JARID2: variants seen among roughly 807,000 people sequenced by gnomAD.
JARID2 encodes the protein jumonji and AT-rich interaction domain containing 2, also known as protein Jumonji.
JARID2 carries 21 observed loss-of-function variants against 125.6 expected under a neutral mutation model. The ratio of observed to expected loss-of-function variants is 0.17; its 90% confidence interval spans 0.12 to 0.24. JARID2 has a LOEUF of 0.24. Among genes scored for constraint, JARID2 ranks in the 10% least tolerant of loss-of-function variants. The probability of loss-of-function intolerance (pLI) is 1.00; values close to 1 mark genes in which losing one functional copy is unlikely to be tolerated. For missense variants in JARID2, 1,303 were observed against 1,639.6 expected (o/e 0.79, Z 3.55); for synonymous variants, 736 against 661.6 (o/e 1.11, Z -1.73).
chr6:15,465,674 T>C (rs922031615), intron 4 of JARID2, among the ~76,000 whole-genome samples: 4 of 152,004 alleles, frequency 2.6e-5, no homozygotes, highest in African/African-American at 9.7e-5. Flanking sequence ...CAACAGATCC[T>C]GTTAAGTGGA....
intron 2 of JARID2, among the ~76,000 whole-genome samples, chr6:15,385,857 A>G (rs1764765150): frequency 6.6e-6 from 1 of 152,048 alleles, no homozygotes; most frequent in Non-Finnish European, 1.5e-5. Context: ...AGGCCCCCAG[A>G]TGTCAGCTCA....
At position 15,329,002 on chromosome 6, in the gene JARID2, C is replaced by CT. The variant is rs146759476; in HGVS notation, c.46-45106dup. On this transcript the variant is annotated intron_variant, in intron 1 of 17. Coordinates refer to ENST00000341776, the MANE Select transcript of JARID2 (RefSeq NM_004973.4). ...TCAAATGTAGTATCTTAATAATGGGCTTTTTTTTTCTAGTTCTTCTTTTTC... is the reference window on the plus strand; with the variant it reads ...TCAAATGTAGTATCTTAATAATGGGCTTTTTTTTTTCTAGTTCTTCTTTTTC... 2.1e-3 allele frequency among the ~76,000 whole-genome samples: 322 copies of CT among 151,444 alleles called. 2 individuals carry two copies. The highest frequency in any genetic ancestry group is 7.3e-3 in the African/African-American group (302 of 41,276).
At chr6:15,449,742 G>C (rs1767832311) in intron 3 of JARID2, among the ~76,000 whole-genome samples, 1 of 152,006 alleles carries the variant, frequency 6.6e-6, no homozygotes, top group Non-Finnish European at 1.5e-5. Context: ...AAGGACTATA[G>C]ATTACCCACT....
intron 1 of JARID2, among the ~76,000 whole-genome samples, chr6:15,370,891 T>G (rs1764143452): frequency 6.6e-6 from 1 of 152,204 alleles, no homozygotes; most frequent in Non-Finnish European, 1.5e-5. Flanking sequence ...TATTTGGAAT[T>G]ATTACCTACT....
intron 1 of JARID2, among the ~76,000 whole-genome samples, chr6:15,356,125 A>G (rs1376519441): frequency 1.3e-5 from 2 of 152,186 alleles, no homozygotes; most frequent in East Asian, 1.9e-4. Context: ...TTCAAGGTTC[A>G]TCCACGCTGC....
chr6:15,378,436 C>G (rs1764453637), intron 2 of JARID2, among the ~76,000 whole-genome samples: 1 of 152,036 alleles, frequency 6.6e-6, no homozygotes, highest in South Asian at 2.1e-4. Context: ...CCTCTGTGTC[C>G]TCTTTCATGC....
At chr6:15,506,094 A>G (rs1222507615) in intron 9 of JARID2, among the ~76,000 whole-genome samples, 1 of 152,208 alleles carries the variant, frequency 6.6e-6, no homozygotes, top group African/African-American at 2.4e-5. Flanking sequence ...AAATATTTAA[A>G]CACAAAGGGG....
Position 15,497,796 on chromosome 6 carries a change from C to T in JARID2, c.1945+626C>T, listed in dbSNP as rs536938051. The stretch of plus-strand genomic sequence containing the variant: ...GGGGGGCCAGTGGGGAGCGCTGCCC[C>T]TCTGGATTCCACACTGGATTATAGA... On this transcript the variant is annotated intron_variant, in intron 7 of 17. Coordinates refer to ENST00000341776, the MANE Select transcript of JARID2 (RefSeq NM_004973.4). Among the ~76,000 whole-genome samples, 12 of 152,318 alleles carry T rather than the reference C, an allele frequency of 7.9e-5. No individual in the cohort carries two copies. In the South Asian group the frequency reaches 8.3e-4, roughly 11 times the overall value.
At chr6:15,413,002 GTTTT>G (rs745910520) in intron 3 of JARID2, among the ~76,000 whole-genome samples, 13 of 46,560 alleles carry the variant, frequency 2.8e-4, no homozygotes, top group South Asian at 1.4e-3. Context: ...AAGAGCTTGT[GTTTT>G]TGTTTTTTTT....
intron 13 of JARID2, 97 bp from the exon 14 acceptor site, chr6:15,512,108 CCTT>C (rs2127764865): frequency 8.5e-6 from 8 of 941,048 alleles, no homozygotes; most frequent in Middle Eastern, 2.7e-4. Flanking sequence ...AATCTTATCT[CCTT>C]GAGAGCAGGC....
chr6:15,513,444 G>A (rs375571433), intron 16 of JARID2, 22 bp downstream of exon 16: 29 of 1,553,512 alleles, frequency 1.9e-5, no homozygotes, highest in Admixed American at 1.2e-4. Context: ...TGGCCCTGCC[G>A]GCGCCCTCGC....
intron 1 of JARID2, among the ~76,000 whole-genome samples, chr6:15,263,438 A>G (rs2127331288): frequency 6.6e-6 from 1 of 152,096 alleles, no homozygotes; most frequent in South Asian, 2.1e-4. Context: ...TCTTTGAAAA[A>G]CTACCCTTCG....
rs2127277426 is a variant in JARID2 at position 15,246,161 on chromosome 6, A to G, written c.-379A>G. On this transcript the variant is annotated 5_prime_UTR_variant, in exon 1 of 18. The change abolishes the stop of an existing upstream ORF in the 5' untranslated region. Coordinates refer to ENST00000341776, the MANE Select transcript of JARID2 (RefSeq NM_004973.4). ...TTTCCCTTTTCTTTTCCAAGATGTAACTACGGATCAGACACTAAGGACCTT... is the reference window on the plus strand; with the variant it reads ...TTTCCCTTTTCTTTTCCAAGATGTAGCTACGGATCAGACACTAAGGACCTT... The G allele has an allele frequency of 2.4e-6, 1 of 422,460 alleles. No homozygotes were observed. The highest frequency in any genetic ancestry group is 3.5e-5 in the East Asian group (1 of 28,184). 26.2% of individuals were successfully genotyped at this position (422,460 alleles called of 1,614,324 possible). A position where few individuals can be genotyped will look rare whatever the true frequency, so the allele number is the denominator to read the frequency against.
intron 12 of JARID2, among the ~76,000 whole-genome samples, chr6:15,510,742 A>G (rs1456258736): frequency 6.6e-6 from 1 of 152,234 alleles, no homozygotes; most frequent in Non-Finnish European, 1.5e-5. Context: ...GCATCTGCCA[A>G]GGAGTTGGCC....
chr6:15,499,321 C>T (rs532519898), intron 7 of JARID2, among the ~76,000 whole-genome samples: 15 of 152,258 alleles, frequency 9.9e-5, no homozygotes, highest in African/African-American at 2.9e-4. Context: ...GTGCCGCTGG[C>T]GGGAGTTGGG....
At chr6:15,276,161 C>G (rs1292043844) in intron 1 of JARID2, among the ~76,000 whole-genome samples, 1 of 152,124 alleles carries the variant, frequency 6.6e-6, no homozygotes, top group Non-Finnish European at 1.5e-5. Context: ...TTTAAGCTGC[C>G]TAAGTTGACT....
intron 5 of JARID2, among the ~76,000 whole-genome samples, chr6:15,476,022 C>A (rs978576678): frequency 6.6e-6 from 1 of 152,162 alleles, no homozygotes; most frequent in African/African-American, 2.4e-5. Context: ...CAGGGTATTT[C>A]TCTTATCAGA....
intron 2 of JARID2, among the ~76,000 whole-genome samples, chr6:15,403,225 G>A (rs1765506888): frequency 6.6e-6 from 1 of 152,158 alleles, no homozygotes; most frequent in African/African-American, 2.4e-5. Context: ...TGAAGATCAC[G>A]GCTCTTTGTT....
At chr6:15,263,591 A>ATT (rs763727930) in intron 1 of JARID2, among the ~76,000 whole-genome samples, 10,744 of 131,554 alleles carry the variant, frequency 0.082, 538 homozygotes, top group Admixed American at 0.11. Flanking sequence ...GAGTCAGACA[A>ATT]TTTTTTTTTT....
Sources: gnomAD v4.1 joint callset for allele counts (sites outside exome capture counted in the v4.1 genomes callset) on GRCh38, gnomAD v4.1.1 for gene constraint, MANE v1.5 for transcripts, NCBI Gene and HGNC (gene_info 2026-07-23, HGNC 2026-07-21) for gene names.